IPMK: variants seen among roughly 807,000 people sequenced by gnomAD.
The protein encoded by IPMK is inositol polyphosphate multikinase, also known as inositol 1,3,4,6-tetrakisphosphate 5-kinase.
A neutral mutation model predicts 45.8 loss-of-function variants in IPMK; 17 were observed. The ratio of observed to expected loss-of-function variants is 0.37; its 90% CI spans 0.25 to 0.56. The LOEUF (loss-of-function observed/expected upper bound fraction) is 0.56, where lower values mean the gene tolerates loss of function less well. IPMK is among the 20% of genes least tolerant of loss of function. The pLI is 0.79. For synonymous variants in IPMK, 180 were observed against 184.3 expected, an observed-to-expected ratio of 0.98 and a Z score of 0.19; for missense variants, 399 against 498.0, an observed-to-expected ratio of 0.80 and a Z score of 1.89.
intron 4 of IPMK, chr10:58,212,632 T>C (rs1838182376): frequency 4.2e-6 from 1 of 238,330 alleles, no homozygotes; most frequent in Admixed American, 4.1e-5. Flanking sequence ...TCTGGATTCA[T>C]GTTTTCACCA....
Position 58,216,407 on chromosome 10 carries a change from A to T in IPMK, c.374-90T>A, listed in dbSNP as rs1838245222. The T allele has an allele frequency of 2.5e-5, 14 of 549,478 alleles. No homozygotes were observed. The Admixed American group carries it at 5.4e-4, about 21-fold the overall frequency. The allele number at this position is 549,478 out of a possible 1,614,324, so 34.0% of individuals were successfully genotyped here. A position where few individuals can be genotyped will look rare whatever the true frequency, so the allele number is the denominator to read the frequency against. On this transcript the variant is annotated intron_variant, in intron 3 of 5. Coordinates refer to ENST00000373935, the MANE Select transcript of IPMK (RefSeq NM_152230.5). ...GGAAAAACAAGATGAGAAAATCCTA[A>T]AACAGAGAAAAAAGTTAAAATAAAT...
intron 1 of IPMK, among the ~76,000 whole-genome samples, chr10:58,258,287 C>A (rs898032250): frequency 3.3e-5 from 5 of 150,636 alleles, no homozygotes; most frequent in African/African-American, 9.9e-5. Flanking sequence ...TCCAGCCTGG[C>A]GACGGAGCGA....
At chr10:58,242,696 A>G (rs546692863) in intron 1 of IPMK, among the ~76,000 whole-genome samples, 9 of 152,304 alleles carry the variant, frequency 5.9e-5, no homozygotes, top group Admixed American at 2.0e-4. Flanking sequence ...AAAAGGAAGG[A>G]GAAATCAGAA....
chr10:58,195,906 A>C lies in IPMK; in HGVS notation c.*170T>G. On this transcript the variant is annotated 3_prime_UTR_variant, in exon 6 of 6. Coordinates refer to ENST00000373935, the MANE Select transcript of IPMK (RefSeq NM_152230.5). ...ATAGTTTTCTAATGAACAAATAGTT[A>C]GTTTTCCTGAGTAAGATTATAAAAA... 1 of 618,640 alleles carries C rather than the reference A, an allele frequency of 1.6e-6. No homozygotes were observed. The highest frequency in any genetic ancestry group is 2.8e-6 in the Non-Finnish European group (1 of 363,056). The allele number at this position is 618,640 out of a possible 1,614,324, so 38.3% of individuals were successfully genotyped here.
chr10:58,248,567 T>C (rs1163309313), intron 1 of IPMK, among the ~76,000 whole-genome samples: 1 of 152,188 alleles, frequency 6.6e-6, no homozygotes, highest in Non-Finnish European at 1.5e-5. Context: ...ATATCAAATA[T>C]TCTCTTCTAG....
chr10:58,213,500 T>C lies in IPMK; in HGVS notation c.546+2645A>G, dbSNP rs146037886. 2.5e-3 allele frequency among the ~76,000 whole-genome samples: 375 copies of C among 152,062 alleles called. 13 individuals are homozygous for C. The East Asian group carries it at 0.07, about 28-fold the overall frequency. On this transcript the variant is annotated intron_variant, in intron 4 of 5. Transcript: ENST00000373935. ...GAGATTGAGACCATCCTGGCTAACA[T>C]GGTGAAATCCCATATCTACTAAAAA... is the stretch of plus-strand genomic sequence containing the variant.
rs569971800 is a variant in IPMK, at chr10:58,246,479, G to A, written c.191-8665C>T. On this transcript the variant is annotated intron_variant, in intron 1 of 5. Transcript: ENST00000373935. Reference sequence around the variant, plus strand: ...AGATATAGATCAATGGAACAGAAAAGAGCCCTCAGAAATAACGCCGCATAT... The same window carrying A: ...AGATATAGATCAATGGAACAGAAAAAAGCCCTCAGAAATAACGCCGCATAT... 2.1e-5 allele frequency among the ~76,000 whole-genome samples: 3 copies of A among 143,364 alleles called. No individual in the cohort carries two copies. The East Asian group carries it at 6.3e-4, about 30-fold the overall frequency. 94.1% of individuals were successfully genotyped at this position (143,364 alleles called of 152,430 possible).
chr10:58,237,668 C>T (rs1838634458), intron 2 of IPMK, 61 bp downstream of exon 2: 4 of 1,220,222 alleles, frequency 3.3e-6, no homozygotes, highest in Non-Finnish European at 4.9e-6. Context: ...TACTGTGAGT[C>T]ACCACCAGAA....
intron 2 of IPMK, among the ~76,000 whole-genome samples, chr10:58,232,765 A>G (rs1235886354): frequency 3.3e-5 from 5 of 152,226 alleles, no homozygotes; most frequent in Non-Finnish European, 5.9e-5. Context: ...GTCACAATTA[A>G]AAGAACTAGA....
At chr10:58,258,436 T>C (rs1291318947) in intron 1 of IPMK, among the ~76,000 whole-genome samples, 2 of 152,238 alleles carry the variant, frequency 1.3e-5, no homozygotes, top group Non-Finnish European at 2.9e-5. Context: ...TCTTTTAGTA[T>C]ATAAATGGAG....
chr10:58,256,155 A>G lies in IPMK; in HGVS notation c.190+11267T>C, dbSNP rs1838964193. Among the ~76,000 whole-genome samples the G allele has an allele frequency of 2.0e-5, 3 of 152,192 alleles. 1 individual carries two copies. Among genetic ancestry groups the G allele is most frequent in the Admixed American group, 2.0e-4 (3 of 15,286 alleles). On this transcript the variant is annotated intron_variant, in intron 1 of 5. Coordinates refer to ENST00000373935, the MANE Select transcript of IPMK (RefSeq NM_152230.5). ...TTTTCAGGGAACAAGGGAGATAACA[A>G]TAAGGTGTGACTGCCTGCGGGGCCA...
intron 2 of IPMK, among the ~76,000 whole-genome samples, chr10:58,232,754 C>T (rs1238144545): frequency 2.0e-5 from 3 of 152,146 alleles, no homozygotes; most frequent in Non-Finnish European, 4.4e-5. Flanking sequence ...GACACCCTAA[C>T]GTCACAATTA....
chr10:58,255,825 G>A, intron 1 of IPMK, among the ~76,000 whole-genome samples: 1 of 152,134 alleles, frequency 6.6e-6, no homozygotes, highest in East Asian at 1.9e-4. Context: ...AACATAAATT[G>A]TGAAGATTTC....
intron 1 of IPMK, among the ~76,000 whole-genome samples, chr10:58,249,522 A>G (rs1838852449): frequency 6.6e-6 from 1 of 152,126 alleles, no homozygotes; most frequent in African/African-American, 2.4e-5. Context: ...CTTTTGAGAG[A>G]TATCTATTCA....
At chr10:58,215,562 CCT>C (rs1317131731) in intron 4 of IPMK, among the ~76,000 whole-genome samples, 1 of 151,842 alleles carries the variant, frequency 6.6e-6, no homozygotes, top group African/African-American at 2.4e-5. Context: ...GCACACGCTA[CCT>C]CTCACCCAGC....
intron 1 of IPMK, among the ~76,000 whole-genome samples, chr10:58,266,933 C>T (rs2132271560): frequency 1.3e-5 from 2 of 152,264 alleles, no homozygotes; most frequent in South Asian, 4.1e-4. Flanking sequence ...CTTCTCACCT[C>T]CCCCTAAAAA....
At chr10:58,220,526 TCTCAAAAC>T (rs1838316537) in intron 3 of IPMK, among the ~76,000 whole-genome samples, 1 of 152,192 alleles carries the variant, frequency 6.6e-6, no homozygotes, top group African/African-American at 2.4e-5. Context: ...CAGGAGCACT[TCTCAAAAC>T]CTCAATTATA....
intron 1 of IPMK, among the ~76,000 whole-genome samples, chr10:58,245,814 C>T (rs1251166852): frequency 2.0e-5 from 3 of 146,506 alleles, no homozygotes; most frequent in South Asian, 4.3e-4. Context: ...GGCAATGAGG[C>T]AGGAGAAGGA....
chr10:58,232,593 C>T (rs529628354), intron 2 of IPMK, among the ~76,000 whole-genome samples: 3 of 152,114 alleles, frequency 2.0e-5, no homozygotes, highest in Non-Finnish European at 2.9e-5. Flanking sequence ...GGGTACATAA[C>T]GAAATGAAAG....
Sources: allele counts gnomAD v4.1 joint callset (sites outside exome capture counted in the v4.1 genomes callset), GRCh38; gene constraint gnomAD v4.1.1; transcripts MANE v1.5; gene names NCBI Gene and HGNC (gene_info 2026-07-23, HGNC 2026-07-21).